Variants in KLHDC2 observed in about 807,000 individuals in gnomAD.
KLHDC2 encodes kelch domain-containing protein 2.
A neutral mutation model predicts 62.3 loss-of-function variants in KLHDC2; 38 were observed. The observed-to-expected ratio is 0.61, with a 90% CI of 0.47 to 0.80. The LOEUF is 0.80. Among genes scored for constraint, KLHDC2 ranks in the 30% least tolerant of loss-of-function variants. The probability of loss-of-function intolerance (pLI) is 0.00; values close to 1 mark genes in which losing one functional copy is unlikely to be tolerated. For synonymous variants in KLHDC2, 159 were observed against 161.0 expected (o/e 0.99, Z 0.09); for missense variants, 430 against 495.3 (o/e 0.87, Z 1.25).
chr14:49,781,800 T>C (rs1365104944), intron 10 of KLHDC2, among the ~76,000 whole-genome samples: 1 of 152,114 alleles, frequency 6.6e-6, no homozygotes, highest in Non-Finnish European at 1.5e-5. Context: ...CAAAAAAAGC[T>C]TATTAAACAC....
Position 49,778,218 on chromosome 14 carries a change from A to G in KLHDC2, c.508A>G (p.Lys170Glu), listed in dbSNP as rs768091844. 12 of 1,609,586 alleles carry G rather than the reference A, an allele frequency of 7.5e-6. 1 individual carries two copies. The South Asian group carries it at 1.2e-4, about 16-fold the overall frequency. The change falls in exon 5 of 13, where the codon AAA (lysine) becomes GAA (glutamate). Residue 170 changes from lysine to glutamate, a missense_variant. Coordinates refer to ENST00000298307, the MANE Select transcript of KLHDC2 (RefSeq NM_014315.3). Reference sequence around the variant, plus strand: ...AGGGTATGGATATTTGCCTGAAGATAAAGTATTGGGAACTTTTGAATTCGA... The same window carrying G: ...AGGGTATGGATATTTGCCTGAAGATGAAGTATTGGGAACTTTTGAATTCGA... ...FGGYGYLPEDKVLGTFEFDET... is the reference protein window; with the variant it reads ...FGGYGYLPEDEVLGTFEFDET...
Position 49,779,703 on chromosome 14 carries a change from T to C in KLHDC2, c.714+28T>C, listed in dbSNP as rs745803395. 8 of 1,609,638 alleles carry C rather than the reference T, an allele frequency of 5.0e-6. 1 individual carries two copies. The South Asian group carries it at 8.8e-5, about 18-fold the overall frequency. ...AAGTATTCAAACGACTTCAATGACT[T>C]GCTTTTGAATTCTTCAAAATGATAA... On this transcript the variant is annotated intron_variant, in intron 7 of 12. Transcript: ENST00000298307.
chr14:49,782,623 T>G, intron 12 of KLHDC2, 29 bp downstream of exon 12: 1 of 1,553,478 alleles, frequency 6.4e-7, no homozygotes, highest in Non-Finnish European at 8.8e-7. Flanking sequence ...GGCACTTAGA[T>G]TATTTAAAAT....
intron 3 of KLHDC2, among the ~76,000 whole-genome samples, chr14:49,775,243 G>A (rs1164185102): frequency 3.3e-5 from 5 of 152,120 alleles, no homozygotes; most frequent in Admixed American, 6.5e-5. Context: ...ATATATTAGC[G>A]CTTACTGAGT....
At chr14:49,771,519 A>C in intron 1 of KLHDC2, 75 bp from the exon 2 acceptor site, 1 of 708,394 alleles carries the variant, frequency 1.4e-6, no homozygotes, top group Non-Finnish European at 2.5e-6. Flanking sequence ...TTAGTATCTC[A>C]AGATCGATTT....
chr14:49,785,041 TAA>T lies in KLHDC2; in HGVS notation c.*2089_*2090del. On this transcript the variant is annotated 3_prime_UTR_variant, in exon 13 of 13. Coordinates refer to ENST00000298307, the MANE Select transcript of KLHDC2 (RefSeq NM_014315.3). The stretch of plus-strand genomic sequence containing the variant: ...AAAAAGAGTAAGAATAATCTACTGT[TAA>T]GTCACTGAACTGTTTAAAATCATAA... 6.2e-7 allele frequency: 1 copy of T among 1,607,174 alleles called. No individual in the cohort carries two copies. The highest frequency in any genetic ancestry group is 8.5e-7 in the Non-Finnish European group (1 of 1,173,944).
chr14:49,773,180 G>A (rs1026313392), intron 2 of KLHDC2, among the ~76,000 whole-genome samples: 1 of 151,976 alleles, frequency 6.6e-6, no homozygotes, highest in African/African-American at 2.4e-5. Context: ...TTGGGAAGCC[G>A]AGGCAGGTGG....
At position 49,778,209 on chromosome 14, in the gene KLHDC2, C is replaced by T; in HGVS notation, c.499C>T (p.Pro167Ser). 1 of 1,607,850 alleles carries T rather than the reference C, an allele frequency of 6.2e-7. No homozygotes were observed. Among genetic ancestry groups the T allele is most frequent in the Non-Finnish European group, 8.5e-7 (1 of 1,177,324 alleles). Residue 167 changes from proline to serine, a missense_variant, in exon 5 of 13, where the codon CCT becomes TCT. Physicochemically the swap from Pro to Ser is moderately conservative, Grantham distance 74. Transcript: ENST00000298307. ...ATTTTTTGGAGGGTATGGATATTTGCCTGAAGATAAAGTATTGGGAACTTT... is the reference window on the plus strand; with the variant it reads ...ATTTTTTGGAGGGTATGGATATTTGTCTGAAGATAAAGTATTGGGAACTTT... ...LIFFGGYGYL[P>S]EDKVLGTFEF...
At chr14:49,780,575 G>GC (rs1889873677) in intron 9 of KLHDC2, 128 bp from the exon 10 acceptor site, 1 of 736,518 alleles carries the variant, frequency 1.4e-6, no homozygotes, top group African/African-American at 1.7e-5. Flanking sequence ...TTGCAGGGGG[G>GC]GGAAAAAAAA....
At position 49,784,825 on chromosome 14, in the gene KLHDC2, T is replaced by G; in HGVS notation, c.*1872T>G. The G allele has an allele frequency of 1.4e-6, 2 of 1,401,772 alleles. No homozygotes were observed. Among genetic ancestry groups the G allele is most frequent in the Non-Finnish European group, 2.0e-6 (2 of 998,488 alleles). 86.8% of individuals were successfully genotyped at this position (1,401,772 alleles called of 1,614,324 possible). A position where few individuals can be genotyped will look rare whatever the true frequency, so the allele number is the denominator to read the frequency against. On this transcript the variant is annotated 3_prime_UTR_variant, in exon 13 of 13. Coordinates refer to ENST00000298307, the MANE Select transcript of KLHDC2 (RefSeq NM_014315.3). ...CTTTTAGCTGAGATGGTTTTACTGC[T>G]TCTAATAAGACAGCATTTTCTACTA...
chr14:49,775,615 CTTTTTTTTTT>C (rs10584257), intron 3 of KLHDC2, among the ~76,000 whole-genome samples: 2 of 87,832 alleles, frequency 2.3e-5, no homozygotes, highest in African/African-American at 9.2e-5. Flanking sequence ...AAGCAAATGT[CTTTTTTTTTT>C]TTTTTTTTTT....
rs1279133111 is a variant in KLHDC2 at position 49,768,439 on chromosome 14, A to G, written c.-30A>G. ...TTTTTGGCCCCTCGCGGGTGTGGGC[A>G]TTGTTGGTTAGCAAAAGTGCAGCCT... On this transcript the variant is annotated 5_prime_UTR_variant, in exon 1 of 13. Transcript: ENST00000298307. 2.5e-6 allele frequency: 4 copies of G among 1,602,668 alleles called. No homozygotes were observed. The highest frequency in any genetic ancestry group is 4.6e-5 in the East Asian group (2 of 43,708).
rs938107459 is a variant in KLHDC2 at position 49,785,553 on chromosome 14, C to T, written c.*2600C>T. 1.2e-5 allele frequency: 5 copies of T among 425,770 alleles called. No homozygotes were observed. Among genetic ancestry groups the T allele is most frequent in the South Asian group, 9.7e-5 (4 of 41,408 alleles). 26.4% of individuals were successfully genotyped at this position (425,770 alleles called of 1,614,324 possible). On this transcript the variant is annotated 3_prime_UTR_variant, in exon 13 of 13. Transcript: ENST00000298307. Reference sequence around the variant, plus strand: ...TGCCTAGCATAATAAGTAATGAGAACAATAATTTTCAAAATCCTACCTACA... The same window carrying T: ...TGCCTAGCATAATAAGTAATGAGAATAATAATTTTCAAAATCCTACCTACA...
In KLHDC2 at chr14:49,782,846, G is replaced by A; in HGVS notation, c.1114G>A (p.Val372Ile). ...CACTTTCAGGCTAAGCTTAGAAGCAGTCATTTGCTTTAAAGAAATGTTAGC... is the reference window on the plus strand; with the variant it reads ...CACTTTCAGGCTAAGCTTAGAAGCAATCATTTGCTTTAAAGAAATGTTAGC... Reference protein sequence around the residue: ...KSLVRLSLEAVICFKEMLANS... With the variant: ...KSLVRLSLEAIICFKEMLANS... The change falls in exon 13 of 13, where the codon GTC (valine) becomes ATC (isoleucine). Residue 372 changes from valine (V) to isoleucine (I), a missense_variant. Transcript: ENST00000298307. 1.9e-6 allele frequency: 3 copies of A among 1,613,696 alleles called. No homozygotes were observed. The highest frequency in any genetic ancestry group is 2.2e-5 in the South Asian group (2 of 91,030).
chr14:49,768,649 C>G, intron 1 of KLHDC2, 28 bp downstream of exon 1: 1 of 1,549,058 alleles, frequency 6.5e-7, no homozygotes, highest in Non-Finnish European at 8.7e-7. Flanking sequence ...CCGCGACGGA[C>G]GTCGCTCGGC....
intron 1 of KLHDC2, 159 bp downstream of exon 1, chr14:49,768,780 C>T (rs1446619697): frequency 1.6e-6 from 1 of 629,250 alleles, no homozygotes; most frequent in Non-Finnish European, 2.5e-6. Flanking sequence ...TTTTTTTGCG[C>T]GCGGGAATCT....
chr14:49,769,626 C>T (rs1041496794), intron 1 of KLHDC2, among the ~76,000 whole-genome samples: 1 of 152,036 alleles, frequency 6.6e-6, no homozygotes, highest in Non-Finnish European at 1.5e-5. Context: ...CCCCAGTTTC[C>T]AATGAATGTG....
rs779992690 is a variant in KLHDC2, at chr14:49,768,504, C to G, written c.36C>G (p.Asp12Glu). The stretch of plus-strand genomic sequence containing the variant: ...GCAACGAGGATCTGCGGGCTGACGA[C>G]TTGCCTGGGCCAGCCTTCGAGAGCT... ...ADGNEDLRAD[D>E]LPGPAFESYE... The change falls in exon 1 of 13, where the codon GAC (aspartate) becomes GAG (glutamate). Residue 12 changes from aspartate to glutamate, a missense_variant. By Grantham distance (45) the Asp-to-Glu change is conservative. Transcript: ENST00000298307. 1 of 1,609,982 alleles carries G rather than the reference C, an allele frequency of 6.2e-7. No individual in the cohort carries two copies.
At chr14:49,780,479 A>AT (rs1003783833) in intron 9 of KLHDC2, 157 bp downstream of exon 9, 47 of 650,004 alleles carry the variant, frequency 7.2e-5, no homozygotes, top group Non-Finnish European at 1.2e-4. Flanking sequence ...ATTGTACTAT[A>AT]TGGCATACTT....
Sources: gnomAD v4.1 joint callset for allele counts (sites outside exome capture counted in the v4.1 genomes callset) on GRCh38, gnomAD v4.1.1 for gene constraint, MANE v1.5 for transcripts, NCBI Gene and HGNC (gene_info 2026-07-23, HGNC 2026-07-21) for gene names.